ABTB2: variants seen among roughly 807,000 people sequenced by gnomAD.
ABTB2 encodes ankyrin repeat and BTB domain containing 2.
In ABTB2, 56 loss-of-function variants were observed where a neutral mutation model predicts 104.1. The ratio of observed to expected loss-of-function variants is 0.54; its 90% CI spans 0.43 to 0.67. ABTB2 has a LOEUF of 0.67. ABTB2 is among the 30% of genes least tolerant of loss of function. The pLI is 0.00. For missense variants in ABTB2, 1,279 were observed against 1,407.7 expected, an observed-to-expected ratio of 0.91 and a Z score of 1.46; for synonymous variants, 606 against 608.2, an observed-to-expected ratio of 1.00 and a Z score of 0.05.
intron 1 of ABTB2, among the ~76,000 whole-genome samples, chr11:34,294,666 G>A (rs1186493326): frequency 2.0e-5 from 3 of 152,002 alleles, no homozygotes; most frequent in African/African-American, 7.2e-5. Context: ...CTTGAGGCCA[G>A]TTTGAGACCA....
chr11:34,289,460 T>G (rs1474764361), intron 1 of ABTB2, among the ~76,000 whole-genome samples: 1 of 152,206 alleles, frequency 6.6e-6, no homozygotes, highest in Non-Finnish European at 1.5e-5. Flanking sequence ...AAAACTCAAT[T>G]ATCATTATCC....
chr11:34,223,793 C>A (rs920798552), intron 1 of ABTB2, among the ~76,000 whole-genome samples: 11 of 152,208 alleles, frequency 7.2e-5, no homozygotes, highest in African/African-American at 2.4e-4. Flanking sequence ...GATTGTCCAC[C>A]CCTCAAGTCA....
intron 1 of ABTB2, among the ~76,000 whole-genome samples, chr11:34,346,197 T>C (rs1855329436): frequency 6.6e-6 from 1 of 152,262 alleles, no homozygotes; most frequent in Non-Finnish European, 1.5e-5. Flanking sequence ...TGCTGGATTA[T>C]ACAGCTCTGC....
At chr11:34,165,448 T>C in intron 7 of ABTB2, 92 bp from the exon 8 acceptor site, 3 of 1,038,166 alleles carry the variant, frequency 2.9e-6, no homozygotes, top group Non-Finnish European at 2.8e-6. Flanking sequence ...GGCCTTTGCT[T>C]CTCTCCAGGC....
intron 1 of ABTB2, among the ~76,000 whole-genome samples, chr11:34,327,070 G>A (rs527294446): frequency 4.3e-4 from 65 of 152,204 alleles, no homozygotes; most frequent in African/African-American, 6.3e-4. Context: ...GCGAGACTCC[G>A]TCTCAAAAAT....
intron 1 of ABTB2, among the ~76,000 whole-genome samples, chr11:34,214,621 C>A (rs79983630): frequency 0.017 from 2,601 of 148,908 alleles, 74 homozygotes; most frequent in African/African-American, 0.061. Context: ...CTCACTGCAA[C>A]CTTCACCTGC....
In ABTB2 at chr11:34,197,538, C is replaced by T; in HGVS notation, c.1031G>A (p.Ser344Asn). ...ATCVGSISEL[S>N]DLVSRAMHHM... ...GTGCATGGCACGGGAGACCAAGTCA[C>T]CTGGTGGGGGGCGGGGAGGGCAGAG... The change falls in exon 3 of 17, where the codon AGT becomes AAT. Residue 344 changes from serine to asparagine, a missense_variant and splice_region_variant. Physicochemically the swap from Ser to Asn is conservative, Grantham distance 46. Transcript: ENST00000435224. 1 of 1,572,524 alleles carries T rather than the reference C, an allele frequency of 6.4e-7. No homozygotes were observed. The highest frequency in any genetic ancestry group is 8.6e-7 in the Non-Finnish European group (1 of 1,166,112).
At chr11:34,201,641 A>G (rs1297750669) in intron 2 of ABTB2, among the ~76,000 whole-genome samples, 2 of 152,196 alleles carry the variant, frequency 1.3e-5, no homozygotes, top group Non-Finnish European at 2.9e-5. Flanking sequence ...GTTCAGTGCC[A>G]AGTATCACTA....
chr11:34,319,969 C>T (rs933661210), intron 1 of ABTB2, among the ~76,000 whole-genome samples: 5 of 151,940 alleles, frequency 3.3e-5, no homozygotes, highest in Non-Finnish European at 5.9e-5. Flanking sequence ...TGCCTGGCCT[C>T]GAACTCCTGA....
At chr11:34,306,265 T>TTTTTTTTTTTTTGG (rs1854769891) in intron 1 of ABTB2, among the ~76,000 whole-genome samples, 2 of 138,072 alleles carry the variant, frequency 1.4e-5, no homozygotes, top group Admixed American at 7.2e-5. Context: ...TTTTTTTTTT[T>TTTTTTTTTTTTTGG]GAGACGGAGT....
intron 1 of ABTB2, among the ~76,000 whole-genome samples, chr11:34,266,487 C>T (rs947349289): frequency 2.0e-5 from 3 of 152,190 alleles, no homozygotes; most frequent in Non-Finnish European, 4.4e-5. Flanking sequence ...CCAGCCCTGA[C>T]ACTATGCACT....
chr11:34,288,287 T>A (rs1854528386), intron 1 of ABTB2, among the ~76,000 whole-genome samples: 1 of 152,234 alleles, frequency 6.6e-6, no homozygotes, highest in African/African-American at 2.4e-5. Flanking sequence ...ACTTGTCTTA[T>A]CACCTACTTA....
At chr11:34,339,830 A>G (rs1416148407) in intron 1 of ABTB2, among the ~76,000 whole-genome samples, 1 of 152,224 alleles carries the variant, frequency 6.6e-6, no homozygotes, top group Non-Finnish European at 1.5e-5. Flanking sequence ...TGGCAATTGC[A>G]TAAATACATG....
chr11:34,185,424 T>C (rs144425435), intron 3 of ABTB2, among the ~76,000 whole-genome samples: 1 of 152,358 alleles, frequency 6.6e-6, no homozygotes, highest in East Asian at 1.9e-4. Context: ...AAGACTGGCA[T>C]TGGCTTCTGA....
chr11:34,217,026 G>A (rs779155481), intron 1 of ABTB2, among the ~76,000 whole-genome samples: 18 of 152,144 alleles, frequency 1.2e-4, no homozygotes, highest in Non-Finnish European at 2.6e-4. Context: ...ATTTCTGCAC[G>A]AGCCACCCCT....
intron 1 of ABTB2, among the ~76,000 whole-genome samples, chr11:34,330,372 G>T (rs1338834309): frequency 6.6e-6 from 1 of 152,292 alleles, no homozygotes; most frequent in Admixed American, 6.5e-5. Context: ...TGTAAAATGG[G>T]AACAAATCAG....
chr11:34,255,669 C>T (rs1200829720), intron 1 of ABTB2, among the ~76,000 whole-genome samples: 1 of 152,084 alleles, frequency 6.6e-6, no homozygotes, highest in East Asian at 1.9e-4. Flanking sequence ...AGGTACGTGC[C>T]ACCACACTTG....
intron 1 of ABTB2, among the ~76,000 whole-genome samples, chr11:34,295,687 G>A (rs527434649): frequency 6.6e-6 from 1 of 152,308 alleles, no homozygotes; most frequent in South Asian, 2.1e-4. Flanking sequence ...AACAACAGAA[G>A]TTTATTTCTC....
chr11:34,352,782 A>G (rs184481461), intron 1 of ABTB2, among the ~76,000 whole-genome samples: 1 of 152,360 alleles, frequency 6.6e-6, no homozygotes, highest in East Asian at 1.9e-4. Flanking sequence ...ATGGCCAGGC[A>G]TGATGGGTCA....
Sources: allele counts gnomAD v4.1 joint callset (sites outside exome capture counted in the v4.1 genomes callset), GRCh38; gene constraint gnomAD v4.1.1; transcripts MANE v1.5; gene names NCBI Gene and HGNC (gene_info 2026-07-23, HGNC 2026-07-21).